GRN: variants seen among roughly 807,000 people sequenced by gnomAD.
GRN encodes the protein granulin precursor.
In GRN, 30 loss-of-function variants were observed where a neutral mutation model predicts 66.7. That is an observed-to-expected ratio of 0.45 (90% CI 0.34 to 0.61). GRN has a LOEUF of 0.61. Ranked by LOEUF, GRN falls within the 20% of genes least tolerant of loss-of-function variation. GRN has a pLI of 0.01. For synonymous variants in GRN, 327 were observed against 311.1 expected (o/e 1.05, Z -0.54); for missense variants, 731 against 803.5 (o/e 0.91, Z 1.09).
intron 1 of GRN, among the ~76,000 whole-genome samples, chr17:44,347,440 T>C (rs2048334107): frequency 6.6e-6 from 1 of 151,854 alleles, no homozygotes; most frequent in Non-Finnish European, 1.5e-5. Flanking sequence ...AGGTGTGCGC[T>C]ACCACGCATG....
Position 44,351,773 on chromosome 17 carries a change from G to C in GRN, c.1157G>C (p.Trp386Ser), listed in dbSNP as rs63751213. Residue 386 changes from tryptophan to serine, a missense_variant, in exon 10 of 13, where the codon TGG becomes TCG. By Grantham distance (177) the Trp-to-Ser change is radical. Transcript: ENST00000053867. The part of the protein sequence containing the change: ...DTCCQLTSGE[W>S]GCCPIPEAVC... ...TGCTGCCAACTCACGTCTGGGGAGT[G>C]GGGCTGCTGTCCAATCCCAGAGGTA... 6.2e-7 allele frequency: 1 copy of C among 1,613,538 alleles called. No homozygotes were observed. Among genetic ancestry groups the C allele is most frequent in the African/African-American group, 1.3e-5 (1 of 75,042 alleles).
intron 1 of GRN, chr17:44,345,593 T>G (rs1300380345): frequency 6.6e-6 from 1 of 152,304 alleles, no homozygotes; most frequent in Non-Finnish European, 1.5e-5. Context: ...TTGACCCAGC[T>G]CCACCCCTGT....
In GRN at chr17:44,352,821, A is replaced by G. The variant is rs764247201; in HGVS notation, c.*23A>G. 1 of 1,608,144 alleles carries G rather than the reference A, an allele frequency of 6.2e-7. No individual in the cohort carries two copies. The highest frequency in any genetic ancestry group is 1.1e-5 in the South Asian group (1 of 91,084). ...TGAGGGACAGTACTGAAGACTCTGC[A>G]GCCCTCGGGACCCCACTCGGAGGGT... On this transcript the variant is annotated 3_prime_UTR_variant, in exon 13 of 13. Transcript: ENST00000053867.
chr17:44,351,901 T>G (rs2048378805), intron 10 of GRN, 106 bp downstream of exon 10: 1 of 1,490,856 alleles, frequency 6.7e-7, no homozygotes, highest in Admixed American at 1.7e-5. Flanking sequence ...TCTGACAGAT[T>G]CGTCCCCAGC....
chr17:44,351,702 A>G lies in GRN; in HGVS notation c.1086A>G (p.Arg362=). ...LSLPDPQALK[R]DVPCDNVSSC... The stretch of plus-strand genomic sequence containing the variant: ...TGCCAGACCCACAAGCCTTGAAGAG[A>G]GATGTCCCCTGTGATAATGTCAGCA... Residue 362 remains arginine (R), a synonymous_variant, in exon 10 of 13, where the codon AGA becomes AGG. Coordinates refer to ENST00000053867, the MANE Select transcript of GRN (RefSeq NM_002087.4). 6.2e-7 allele frequency: 1 copy of G among 1,613,832 alleles called. No homozygotes were observed. The highest frequency in any genetic ancestry group is 8.5e-7 in the Non-Finnish European group (1 of 1,179,956).
rs63749801 is a variant in GRN, at chr17:44,350,262, TAGTC to T, written c.388_391del (p.Gln130SerfsTer125). ...CCGTGGGTGCCATCCAGTGCCCTGA[TAGTC>T]AGTTCGAATGCCCGGACTTCTCCAC... is the stretch of plus-strand genomic sequence containing the variant. On this transcript the variant is annotated frameshift_variant, in exon 5 of 13. Coordinates refer to ENST00000053867, the MANE Select transcript of GRN (RefSeq NM_002087.4). LOFTEE classifies it high-confidence loss of function. 28 of 1,613,750 alleles carry T rather than the reference TAGTC, an allele frequency of 1.7e-5. No individual in the cohort carries two copies. The highest frequency in any genetic ancestry group is 2.4e-5 in the Non-Finnish European group (28 of 1,179,844).
At position 44,345,911 on chromosome 17, in the gene GRN, T is replaced by TG. The variant is rs559307430; in HGVS notation, c.-8+583dup. On this transcript the variant is annotated intron_variant, in intron 1 of 12. Transcript: ENST00000053867. ...TTCCTCTCCCCTTGGCACTCGGAGT[T>TG]GGGGGGTGCCACCTAGTGGAAGATA... Among the ~76,000 whole-genome samples, 550 of 152,272 alleles carry TG rather than the reference T, an allele frequency of 3.6e-3. 1 individual carries two copies. The highest frequency in any genetic ancestry group is 6.0e-3 in the Non-Finnish European group (408 of 68,012).
Position 44,352,973 on chromosome 17 carries a change from G to A in GRN, c.*175G>A. The A allele has an allele frequency of 1.5e-6, 1 of 668,572 alleles. No individual in the cohort carries two copies. The allele number at this position is 668,572 out of a possible 1,614,324, so 41.4% of individuals were successfully genotyped here. A position where few individuals can be genotyped will look rare whatever the true frequency, so the allele number is the denominator to read the frequency against. On this transcript the variant is annotated 3_prime_UTR_variant, in exon 13 of 13. Transcript: ENST00000053867. ...GCCTTCCCTGTCAGAAGGGGGTTGT[G>A]GCAAAAGCCACATTACAAGCTGCCA...
intron 8 of GRN, 61 bp from the exon 9 acceptor site, chr17:44,351,302 G>GT: frequency 6.5e-7 from 1 of 1,530,872 alleles, no homozygotes; most frequent in Non-Finnish European, 9.1e-7. Context: ...CCGGCAAAGG[G>GT]TTGATACCCC....
At chr17:44,349,046 C>T in intron 1 of GRN, 112 bp from the exon 2 acceptor site, 1 of 1,192,102 alleles carries the variant, frequency 8.4e-7, no homozygotes, top group East Asian at 2.3e-5. Context: ...GTTGAGAAGG[C>T]TCAGGCAGTC....
Position 44,351,172 on chromosome 17 carries a change from G to A in GRN, c.835+9G>A. 4 of 1,614,132 alleles carry A rather than the reference G, an allele frequency of 2.5e-6. No individual in the cohort carries two copies. Among genetic ancestry groups the A allele is most frequent in the Non-Finnish European group, 3.4e-6 (4 of 1,179,992 alleles). ...GCTGCCTGCGCACACAGGTACCAGA[G>A]GCAGGGTGCAGATACAGGGGTGGGG... On this transcript the variant is annotated intron_variant, in intron 8 of 12. Coordinates refer to ENST00000053867, the MANE Select transcript of GRN (RefSeq NM_002087.4).
intron 4 of GRN, 135 bp downstream of exon 4, chr17:44,349,886 A>G (rs927932561): frequency 2.0e-5 from 14 of 695,262 alleles, no homozygotes; most frequent in African/African-American, 8.8e-5. Flanking sequence ...ACTAAGCAAC[A>G]GCCCTGCTGT....
At chr17:44,351,295 G>A in intron 8 of GRN, 68 bp from the exon 9 acceptor site, 1 of 1,523,918 alleles carries the variant, frequency 6.6e-7, no homozygotes, top group Non-Finnish European at 9.1e-7. Context: ...TGTGGAGCCG[G>A]CAAAGGGTTG....
rs1044281109 is a variant in GRN, at chr17:44,352,475, G to T, written c.1548G>T (p.Val516=). The change falls in exon 12 of 13, where the codon GTG becomes GTT. Residue 516 remains valine (V), a synonymous_variant. Coordinates refer to ENST00000053867, the MANE Select transcript of GRN (RefSeq NM_002087.4). The part of the protein sequence containing the change: ...TFLARSPHVG[V]KDVECGEGHF... Reference sequence around the variant, plus strand: ...TGGCCCGTAGCCCTCACGTGGGTGTGAAGGACGTGGAGTGTGGGGAAGGAC... The same window carrying T: ...TGGCCCGTAGCCCTCACGTGGGTGTTAAGGACGTGGAGTGTGGGGAAGGAC... 2.1e-5 allele frequency: 34 copies of T among 1,614,078 alleles called. No homozygotes were observed. Among genetic ancestry groups the T allele is most frequent in the Non-Finnish European group, 2.7e-5 (32 of 1,179,994 alleles).
At chr17:44,349,028 A>G in intron 1 of GRN, 130 bp from the exon 2 acceptor site, 1 of 939,518 alleles carries the variant, frequency 1.1e-6, no homozygotes, top group South Asian at 1.3e-5. Context: ...CTGCCTGGAC[A>G]GGGAGGTGTT....
rs201036615 is a variant in GRN, at chr17:44,349,640, C to A, written c.265-27C>A. 251 of 1,610,450 alleles carry A rather than the reference C, an allele frequency of 1.6e-4. 1 individual carries two copies. The highest frequency in any genetic ancestry group is 1.8e-5 in the Non-Finnish European group (21 of 1,176,638). Reference sequence around the variant, plus strand: ...CCACCTGCAGATAAAAGGGCCCTGCCAATGCAGGTTTCTCTGTGTTCCACA... The same window carrying A: ...CCACCTGCAGATAAAAGGGCCCTGCAAATGCAGGTTTCTCTGTGTTCCACA... On this transcript the variant is annotated intron_variant, in intron 3 of 12. Transcript: ENST00000053867.
intron 1 of GRN, among the ~76,000 whole-genome samples, chr17:44,348,160 G>A (rs1043397628): frequency 2.6e-5 from 4 of 152,178 alleles, no homozygotes; most frequent in African/African-American, 9.7e-5. Context: ...TCTTGTAACT[G>A]GCTCCCAAGA....
intron 1 of GRN, among the ~76,000 whole-genome samples, chr17:44,346,515 A>C (rs2143311773): frequency 6.6e-6 from 1 of 152,252 alleles, no homozygotes; most frequent in South Asian, 2.1e-4. Flanking sequence ...TTAGGACCCA[A>C]GTGCGATTTT....
At chr17:44,348,339 G>A (rs1439806161) in intron 1 of GRN, among the ~76,000 whole-genome samples, 2 of 152,190 alleles carry the variant, frequency 1.3e-5, no homozygotes, top group Admixed American at 1.3e-4. Flanking sequence ...CAGATGGGCA[G>A]CCCAGTGGGC....
Sources: gnomAD v4.1 joint callset for allele counts (sites outside exome capture counted in the v4.1 genomes callset) on GRCh38, gnomAD v4.1.1 for gene constraint, MANE v1.5 for transcripts, NCBI Gene and HGNC (gene_info 2026-07-23, HGNC 2026-07-21) for gene names.